The following SNTB2 variants were observed in gnomAD, a reference collection of about 807,000 sequenced individuals.
SNTB2 encodes syntrophin beta 2.
In SNTB2, 34 loss-of-function variants were observed where a neutral mutation model predicts 46.2. The ratio of observed to expected loss-of-function variants is 0.74; its 90% CI spans 0.56 to 0.98. SNTB2 has a LOEUF of 0.98. SNTB2 is among the 50% of genes least tolerant of loss of function. The pLI, the probability that SNTB2 is intolerant of heterozygous loss-of-function variation, is 0.00. For missense variants in SNTB2, 603 were observed against 731.4 expected (o/e 0.82, Z 2.02); for synonymous variants, 290 against 312.6 (o/e 0.93, Z 0.76).
intron 1 of SNTB2, among the ~76,000 whole-genome samples, chr16:69,234,228 G>T (rs1167513888): frequency 3.9e-5 from 6 of 152,146 alleles, no homozygotes; most frequent in Non-Finnish European, 8.8e-5. Flanking sequence ...AGCTACTAGG[G>T]AGCCTAAGGT....
Position 69,264,101 on chromosome 16 carries a change from C to T in SNTB2, c.1005+3841C>T, listed in dbSNP as rs537933072. On this transcript the variant is annotated intron_variant, in intron 3 of 6. Coordinates refer to ENST00000336278, the MANE Select transcript of SNTB2 (RefSeq NM_006750.4). ...ATGAGCCACTGTACCTGGCCTTTGG[C>T]TTTTCTCATTAATGCCCAGGCCTGG... Among the ~76,000 whole-genome samples, 4 of 152,202 alleles carry T rather than the reference C, an allele frequency of 2.6e-5. No individual in the cohort carries two copies. The South Asian group carries it at 8.3e-4, about 32-fold the overall frequency.
intron 1 of SNTB2, among the ~76,000 whole-genome samples, chr16:69,200,832 G>C (rs1252513814): frequency 6.6e-6 from 1 of 152,022 alleles, no homozygotes; most frequent in African/African-American, 2.4e-5. Flanking sequence ...CCATCTTGAA[G>C]TAATGTTTGT....
intron 5 of SNTB2, among the ~76,000 whole-genome samples, chr16:69,296,187 G>A (rs991064630): frequency 2.6e-5 from 4 of 152,072 alleles, no homozygotes; most frequent in Non-Finnish European, 5.9e-5. Context: ...GGCTGAGGCA[G>A]GAGAATTGCT....
intron 1 of SNTB2, among the ~76,000 whole-genome samples, chr16:69,240,306 T>C (rs1399536611): frequency 1.3e-5 from 2 of 152,222 alleles, no homozygotes; most frequent in Admixed American, 6.5e-5. Flanking sequence ...CTGAACTCAT[T>C]CAAGGTTCAT....
intron 2 of SNTB2, among the ~76,000 whole-genome samples, chr16:69,248,804 AAGAG>A (rs1179602825): frequency 4.6e-5 from 7 of 151,904 alleles, no homozygotes; most frequent in Non-Finnish European, 1.0e-4. Flanking sequence ...TACAAAAAAA[AAGAG>A]AGAGACAGAG....
At chr16:69,280,821 G>A (rs1374486003) in intron 4 of SNTB2, among the ~76,000 whole-genome samples, 4 of 148,650 alleles carry the variant, frequency 2.7e-5, no homozygotes, top group African/African-American at 7.4e-5. Context: ...TTTTTGAGAC[G>A]GAGTCTCGCT....
chr16:69,295,226 C>A (rs1965211359), intron 5 of SNTB2, among the ~76,000 whole-genome samples: 2 of 137,310 alleles, frequency 1.5e-5, no homozygotes, highest in Admixed American at 7.7e-5. Flanking sequence ...AATCAACATA[C>A]TGAATTTTTT....
intron 1 of SNTB2, among the ~76,000 whole-genome samples, chr16:69,243,935 A>G (rs1305471199): frequency 6.6e-6 from 1 of 152,234 alleles, no homozygotes; most frequent in Non-Finnish European, 1.5e-5. Flanking sequence ...TTAATAACGT[A>G]TAAGAAAATA....
At chr16:69,287,370 A>C (rs1411615127) in intron 5 of SNTB2, among the ~76,000 whole-genome samples, 3 of 151,732 alleles carry the variant, frequency 2.0e-5, no homozygotes, top group Admixed American at 6.6e-5. Flanking sequence ...AGGAGTTCCA[A>C]ACTAGCCTGG....
chr16:69,269,467 C>T (rs917217350), intron 3 of SNTB2, among the ~76,000 whole-genome samples: 2 of 151,448 alleles, frequency 1.3e-5, no homozygotes, highest in African/African-American at 2.4e-5. Flanking sequence ...CAGTGAGCCG[C>T]GATTGTCCCG....
intron 1 of SNTB2, among the ~76,000 whole-genome samples, chr16:69,200,030 G>T (rs1405008174): frequency 6.6e-6 from 1 of 151,708 alleles, no homozygotes; most frequent in African/African-American, 2.4e-5. Context: ...TTCTCCTGCC[G>T]CAGCCTCTTG....
chr16:69,248,195 G>T (rs139181200), intron 2 of SNTB2, among the ~76,000 whole-genome samples: 133 of 152,254 alleles, frequency 8.7e-4, no homozygotes, highest in African/African-American at 2.8e-3. Context: ...TAAATTGTTG[G>T]CTTTGTTTTA....
intron 5 of SNTB2, among the ~76,000 whole-genome samples, chr16:69,290,768 C>T (rs1965152776): frequency 6.6e-6 from 1 of 152,158 alleles, no homozygotes; most frequent in African/African-American, 2.4e-5. Context: ...AACCTTCACA[C>T]ACAACTCTCT....
At chr16:69,270,874 A>C (rs1567411603) in intron 4 of SNTB2, among the ~76,000 whole-genome samples, 1 of 152,262 alleles carries the variant, frequency 6.6e-6, no homozygotes, top group African/African-American at 2.4e-5. Context: ...AGGGATCATA[A>C]CTGTGAAACT....
At chr16:69,188,611 T>G (rs1964018531) in intron 1 of SNTB2, among the ~76,000 whole-genome samples, 1 of 152,092 alleles carries the variant, frequency 6.6e-6, no homozygotes, top group South Asian at 2.1e-4. Flanking sequence ...ATGTTGGAGG[T>G]GATAGAGTAT....
At chr16:69,210,229 C>T (rs899176905) in intron 1 of SNTB2, among the ~76,000 whole-genome samples, 8 of 149,222 alleles carry the variant, frequency 5.4e-5, no homozygotes, top group Admixed American at 4.7e-4. Context: ...AAATGTATTA[C>T]GGTTTTTTGT....
intron 1 of SNTB2, among the ~76,000 whole-genome samples, chr16:69,197,094 ACT>A: frequency 6.6e-6 from 1 of 152,086 alleles, no homozygotes. Context: ...TCTGTTAGAC[ACT>A]CTGAGAGAAA....
At chr16:69,268,185 C>T (rs147136799) in intron 3 of SNTB2, among the ~76,000 whole-genome samples, 38 of 152,202 alleles carry the variant, frequency 2.5e-4, no homozygotes, top group African/African-American at 8.2e-4. Context: ...TACAATGGGC[C>T]GGGCGCAGTG....
intron 3 of SNTB2, among the ~76,000 whole-genome samples, chr16:69,262,345 A>G (rs972863631): frequency 4.0e-5 from 6 of 151,800 alleles, no homozygotes; most frequent in Admixed American, 2.6e-4. Context: ...TCGCTGTGTC[A>G]GCCAGGCTGG....
Sources: gnomAD v4.1 joint callset for allele counts (sites outside exome capture counted in the v4.1 genomes callset) on GRCh38, gnomAD v4.1.1 for gene constraint, MANE v1.5 for transcripts, NCBI Gene and HGNC (gene_info 2026-07-23, HGNC 2026-07-21) for gene names.